The following LAMA2 variants were observed in gnomAD, a reference collection of about 807,000 sequenced individuals.
LAMA2 encodes the protein laminin subunit alpha 2.
Under a neutral mutation model 364.8 loss-of-function variants are expected in LAMA2, and 269 were observed. The ratio of observed to expected loss-of-function variants is 0.74; its 90% CI spans 0.67 to 0.82. The LOEUF is 0.82. Ranked by LOEUF, LAMA2 falls within the 40% of genes least tolerant of loss-of-function variation. The probability of loss-of-function intolerance (pLI) is 0.00; values close to 1 mark genes in which losing one functional copy is unlikely to be tolerated. For missense variants in LAMA2, 3,807 were observed against 3,873.2 expected (o/e 0.98, Z 0.45); for synonymous variants, 1,379 against 1,370.6 (o/e 1.01, Z -0.14).
intron 1 of LAMA2, among the ~76,000 whole-genome samples, chr6:128,946,982 T>C (rs1452205943): frequency 1.3e-5 from 2 of 152,224 alleles, no homozygotes; most frequent in East Asian, 3.8e-4. Flanking sequence ...TTCATGGGCA[T>C]TGAATATTAA....
intron 17 of LAMA2, among the ~76,000 whole-genome samples, chr6:129,277,727 T>A (rs1049459090): frequency 2.0e-5 from 3 of 152,122 alleles, no homozygotes; most frequent in Non-Finnish European, 4.4e-5. Flanking sequence ...TTTGTGAAAA[T>A]GTGATAAAAT....
At chr6:129,451,252 A>C (rs575374396) in intron 45 of LAMA2, among the ~76,000 whole-genome samples, 28 of 152,318 alleles carry the variant, frequency 1.8e-4, no homozygotes, top group Admixed American at 2.6e-4. Flanking sequence ...CTGTATGTAG[A>C]AGGGAAATTC....
At chr6:129,449,630 TAAC>T (rs1281212336) in intron 45 of LAMA2, among the ~76,000 whole-genome samples, 5 of 152,332 alleles carry the variant, frequency 3.3e-5, no homozygotes, top group Middle Eastern at 3.4e-3. Flanking sequence ...ATATTGGGTA[TAAC>T]AACATCATTT....
At chr6:128,962,036 C>T (rs888188603) in intron 1 of LAMA2, among the ~76,000 whole-genome samples, 9 of 146,840 alleles carry the variant, frequency 6.1e-5, no homozygotes, top group African/African-American at 2.1e-4. Context: ...CACATCCTAT[C>T]CCCAGCTTCC....
At chr6:129,097,105 T>C (rs1775232392) in intron 3 of LAMA2, among the ~76,000 whole-genome samples, 1 of 152,176 alleles carries the variant, frequency 6.6e-6, no homozygotes, top group Admixed American at 6.5e-5. Context: ...AGTGACCTCA[T>C]CCACTTAGAG....
intron 1 of LAMA2, among the ~76,000 whole-genome samples, chr6:128,984,095 C>T (rs1783064070): frequency 6.6e-6 from 1 of 152,178 alleles, no homozygotes. Flanking sequence ...ATGAATTCTA[C>T]TACCTACCTT....
At chr6:129,454,334 G>T (rs1782847728) in intron 47 of LAMA2, 46 bp downstream of exon 47, 10 of 1,517,176 alleles carry the variant, frequency 6.6e-6, no homozygotes, top group Non-Finnish European at 4.5e-6. Flanking sequence ...ATAGAATTTT[G>T]AAGTAGTTTC....
intron 17 of LAMA2, among the ~76,000 whole-genome samples, chr6:129,278,499 G>A (rs1015632905): frequency 3.3e-5 from 5 of 152,124 alleles, no homozygotes; most frequent in Admixed American, 1.3e-4. Context: ...GTGGATGAGA[G>A]GAAATCCTTT....
intron 40 of LAMA2, among the ~76,000 whole-genome samples, chr6:129,416,563 G>T (rs554520737): frequency 6.8e-4 from 104 of 152,144 alleles, no homozygotes; most frequent in African/African-American, 2.4e-3. Context: ...GACCCTTTGG[G>T]CCCTACACAG....
chr6:129,296,968 TATAG>T (rs953892855), intron 20 of LAMA2, among the ~76,000 whole-genome samples: 1 of 152,156 alleles, frequency 6.6e-6, no homozygotes, highest in African/African-American at 2.4e-5. Context: ...GATGATTTGT[TATAG>T]ATAGATAAGA....
intron 1 of LAMA2, among the ~76,000 whole-genome samples, chr6:128,908,184 T>C (rs1167726175): frequency 6.7e-6 from 1 of 149,630 alleles, no homozygotes; most frequent in Non-Finnish European, 1.5e-5. Flanking sequence ...CTTTTTCTAT[T>C]GATTGGAATA....
chr6:129,186,447 T>C (rs943471832), intron 10 of LAMA2, among the ~76,000 whole-genome samples: 2 of 151,612 alleles, frequency 1.3e-5, no homozygotes, highest in Admixed American at 6.6e-5. Context: ...GCCAATCTTA[T>C]GGATGGCAAG....
At chr6:129,463,182 A>T (rs574094624) in intron 49 of LAMA2, among the ~76,000 whole-genome samples, 1 of 152,160 alleles carries the variant, frequency 6.6e-6, no homozygotes, top group African/African-American at 2.4e-5. Context: ...ATTAATCTAT[A>T]CTAACTTTAC....
At position 128,935,880 on chromosome 6, in the gene LAMA2, C is replaced by T. The variant is rs1405698978; in HGVS notation, c.112+52523C>T. Among the ~76,000 whole-genome samples, 5 of 152,278 alleles carry T rather than the reference C, an allele frequency of 3.3e-5. No homozygotes were observed. The East Asian group carries it at 9.6e-4, about 29-fold the overall frequency. On this transcript the variant is annotated intron_variant, in intron 1 of 64. Transcript: ENST00000421865. Reference sequence around the variant, plus strand: ...GATAAGGTTAGGCTTTATGTCCCCACCCAAATCTCATCTTCAGTTGTAACC... The same window carrying T: ...GATAAGGTTAGGCTTTATGTCCCCATCCAAATCTCATCTTCAGTTGTAACC...
At chr6:129,423,330 G>T (rs1012352876) in intron 40 of LAMA2, among the ~76,000 whole-genome samples, 2 of 151,920 alleles carry the variant, frequency 1.3e-5, no homozygotes, top group Non-Finnish European at 2.9e-5. Context: ...CAAGGGGCAA[G>T]AAAAAGGAAA....
At chr6:129,397,005 G>A (rs1165878440) in intron 37 of LAMA2, among the ~76,000 whole-genome samples, 2 of 140,826 alleles carry the variant, frequency 1.4e-5, no homozygotes, top group Non-Finnish European at 1.5e-5. Flanking sequence ...AAAAAAAAAA[G>A]AAAAAGAAAA....
chr6:128,966,438 G>T (rs1781845683), intron 1 of LAMA2, among the ~76,000 whole-genome samples: 1 of 151,704 alleles, frequency 6.6e-6, no homozygotes, highest in East Asian at 1.9e-4. Context: ...TGTTGCTCTT[G>T]GTTTATACGC....
At chr6:129,046,182 C>A (rs538607295) in intron 1 of LAMA2, among the ~76,000 whole-genome samples, 1 of 152,156 alleles carries the variant, frequency 6.6e-6, no homozygotes, top group South Asian at 2.1e-4. Flanking sequence ...TTTTAAAGAA[C>A]TGGAGAAAAG....
At chr6:129,494,107 T>C (rs1176642851) in intron 58 of LAMA2, among the ~76,000 whole-genome samples, 1 of 152,244 alleles carries the variant, frequency 6.6e-6, no homozygotes, top group Non-Finnish European at 1.5e-5. Context: ...ATTTACATTC[T>C]TATCACCAAT....
Sources: gnomAD v4.1 joint callset for allele counts (sites outside exome capture counted in the v4.1 genomes callset) on GRCh38, gnomAD v4.1.1 for gene constraint, MANE v1.5 for transcripts, NCBI Gene and HGNC (gene_info 2026-07-23, HGNC 2026-07-21) for gene names.